The following RPTOR variants were observed in gnomAD, a reference collection of about 807,000 sequenced individuals.
The protein encoded by RPTOR is regulatory associated protein of MTOR complex 1, also known as regulatory-associated protein of mTOR.
Under a neutral mutation model 169.9 loss-of-function variants are expected in RPTOR, and 21 were observed. The observed-to-expected ratio is 0.12, with a 90% CI of 0.09 to 0.18. The LOEUF (loss-of-function observed/expected upper bound fraction) is 0.18, where lower values mean the gene tolerates loss of function less well. Among genes scored for constraint, RPTOR ranks in the 10% least tolerant of loss-of-function variants. The pLI, the probability that RPTOR is intolerant of heterozygous loss-of-function variation, is 1.00. For synonymous variants in RPTOR, 732 were observed against 753.2 expected (o/e 0.97, Z 0.46); for missense variants, 1,133 against 1,855.9 (o/e 0.61, Z 7.16).
intron 3 of RPTOR, among the ~76,000 whole-genome samples, chr17:80,664,968 A>G (rs2065752473): frequency 6.6e-6 from 1 of 152,216 alleles, no homozygotes; most frequent in South Asian, 2.1e-4. Context: ...CCTGAGCTGC[A>G]GAGACCTTTT....
intron 31 of RPTOR, 48 bp from the exon 32 acceptor site, chr17:80,962,413 C>T (rs960203158): frequency 1.3e-6 from 2 of 1,532,456 alleles, no homozygotes; most frequent in East Asian, 4.5e-5. Context: ...GGCCAGGCCC[C>T]TCATGGGGCC....
intron 10 of RPTOR, among the ~76,000 whole-genome samples, chr17:80,841,224 G>C (rs1281394445): frequency 2.1e-5 from 2 of 93,452 alleles, no homozygotes; most frequent in Non-Finnish European, 4.0e-5. Flanking sequence ...CCGCACGGCA[G>C]CTCACTCTCA....
chr17:80,897,180 C>T (rs923205398), intron 20 of RPTOR, among the ~76,000 whole-genome samples: 3 of 150,836 alleles, frequency 2.0e-5, no homozygotes, highest in East Asian at 3.9e-4. Context: ...ACCGGGGAGG[C>T]GGAGGTTGCA....
chr17:80,667,682 G>C (rs1316794020), intron 3 of RPTOR, among the ~76,000 whole-genome samples: 1 of 152,190 alleles, frequency 6.6e-6, no homozygotes, highest in African/African-American at 2.4e-5. Context: ...ACACACGGGA[G>C]AGAATGTTAG....
At chr17:80,616,298 CTTTTTTTTTT>C (rs201229448) in intron 1 of RPTOR, among the ~76,000 whole-genome samples, 12 of 113,284 alleles carry the variant, frequency 1.1e-4, no homozygotes, top group Non-Finnish European at 1.2e-4. Flanking sequence ...AATTGAAAAT[CTTTTTTTTTT>C]TTTTTTTTTT....
At chr17:80,932,070 C>A (rs147396423) in intron 24 of RPTOR, among the ~76,000 whole-genome samples, 4 of 152,022 alleles carry the variant, frequency 2.6e-5, no homozygotes, top group Non-Finnish European at 5.9e-5. Flanking sequence ...AAAACCCAAG[C>A]CCATTTCAGT....
chr17:80,927,973 A>G (rs1423310983), intron 24 of RPTOR, among the ~76,000 whole-genome samples: 1 of 152,092 alleles, frequency 6.6e-6, no homozygotes, highest in Non-Finnish European at 1.5e-5. Flanking sequence ...GGATCCATGT[A>G]GGAGCTGCCA....
At chr17:80,627,016 C>T (rs1056867566) in intron 2 of RPTOR, among the ~76,000 whole-genome samples, 3 of 152,130 alleles carry the variant, frequency 2.0e-5, no homozygotes, top group African/African-American at 7.2e-5. Flanking sequence ...ATTTGTCATT[C>T]TAGGGACCTC....
chr17:80,640,943 G>C (rs1391503655), intron 2 of RPTOR, among the ~76,000 whole-genome samples: 1 of 152,256 alleles, frequency 6.6e-6, no homozygotes, highest in Middle Eastern at 3.2e-3. Context: ...TTAAGTATGG[G>C]TGACTGAACT....
rs1037640711 is a variant in RPTOR, at chr17:80,545,606, A to T, written c.-24A>T. 74 of 1,571,710 alleles carry T rather than the reference A, an allele frequency of 4.7e-5. No homozygotes were observed. Among genetic ancestry groups the T allele is most frequent in the Non-Finnish European group, 6.1e-5 (71 of 1,157,936 alleles). ...GGTTCTCGAGCGCTTGCTGCCAAGG[A>T]CTCCCCCACCCCCTCCCCCACTGAT... On this transcript the variant is annotated 5_prime_UTR_variant, in exon 1 of 34. Transcript: ENST00000306801.
At position 80,746,274 on chromosome 17, in the gene RPTOR, CCGCCCCCACAGCGG is replaced by C. The variant is rs1350409088; in HGVS notation, c.655-7735_655-7722del. Among the ~76,000 whole-genome samples the C allele has an allele frequency of 1.3e-4, 18 of 134,458 alleles. No homozygotes were observed. Among genetic ancestry groups the C allele is most frequent in the East Asian group, 4.2e-4 (2 of 4,774 alleles). The allele number at this position is 134,458 out of a possible 152,430, so 88.2% of individuals were successfully genotyped here. A position where few individuals can be genotyped will look rare whatever the true frequency, so the allele number is the denominator to read the frequency against. On this transcript the variant is annotated intron_variant, in intron 5 of 33. Transcript: ENST00000306801. The surrounding 1 kb of genome is among the most constrained non-coding windows in gnomAD (Gnocchi z 4.5). ...CGGTGCTTTCTGCGGGTGATCCCCA[CCGCCCCCACAGCGG>C]TGCTTTCTGCGGGTGATCCCCACCG...
At position 80,904,281 on chromosome 17, in the gene RPTOR, CCAGGATGG is replaced by C. The variant is rs531399581; in HGVS notation, c.2402-4526_2402-4519del. On this transcript the variant is annotated intron_variant, in intron 20 of 33. Coordinates refer to ENST00000306801, the MANE Select transcript of RPTOR (RefSeq NM_020761.3). Reference sequence around the variant, plus strand: ...GCCCTCGGCCTGGGGCACTGGTTCCCCAGGATGGCAGAGGGTCTTGGCCATCACAGACT... The same window carrying C: ...GCCCTCGGCCTGGGGCACTGGTTCCCCAGAGGGTCTTGGCCATCACAGACT... Among the ~76,000 whole-genome samples, 308 of 152,336 alleles carry C rather than the reference CCAGGATGG, an allele frequency of 2.0e-3. 2 individuals carry two copies. Among genetic ancestry groups the C allele is most frequent in the African/African-American group, 7.2e-3 (298 of 41,580 alleles).
chr17:80,880,027 G>C (rs1173453147), intron 13 of RPTOR, among the ~76,000 whole-genome samples: 1 of 152,038 alleles, frequency 6.6e-6, no homozygotes, highest in African/African-American at 2.4e-5. Flanking sequence ...GCGGGACCGG[G>C]TCTGCACCAA....
At chr17:80,625,030 A>G (rs2065382381) in intron 1 of RPTOR, among the ~76,000 whole-genome samples, 1 of 152,184 alleles carries the variant, frequency 6.6e-6, no homozygotes, top group African/African-American at 2.4e-5. Context: ...AGATCTGAAG[A>G]GAGAGTCAGA....
chr17:80,790,912 G>A lies in RPTOR; in HGVS notation c.831-538G>A, dbSNP rs74001052. Among the ~76,000 whole-genome samples, 605 of 152,292 alleles carry A rather than the reference G, an allele frequency of 4.0e-3. 8 individuals carry two copies. Among genetic ancestry groups the A allele is most frequent in the African/African-American group, 0.014 (588 of 41,546 alleles). Reference sequence around the variant, plus strand: ...CTTTCCTACCTCCTGTTGGCGCCACGTTAGAGAAAGCCTGTCCGGCTCCAC... The same window carrying A: ...CTTTCCTACCTCCTGTTGGCGCCACATTAGAGAAAGCCTGTCCGGCTCCAC... On this transcript the variant is annotated intron_variant, in intron 6 of 33. Transcript: ENST00000306801.
At chr17:80,743,857 C>T (rs796791156) in intron 5 of RPTOR, among the ~76,000 whole-genome samples, 862 of 70,332 alleles carry the variant, frequency 0.012, 60 homozygotes, top group African/African-American at 0.041. Flanking sequence ...ACTAGCAGAG[C>T]CCTGGCTACT....
chr17:80,629,303 G>T (rs1354722422), intron 2 of RPTOR, among the ~76,000 whole-genome samples: 1 of 151,402 alleles, frequency 6.6e-6, no homozygotes, highest in Non-Finnish European at 1.5e-5. Context: ...TCTTCCGTGT[G>T]TCTCTCTCTC....
intron 3 of RPTOR, among the ~76,000 whole-genome samples, chr17:80,699,524 T>C: frequency 7.8e-6 from 1 of 128,882 alleles, no homozygotes; most frequent in South Asian, 2.8e-4. Context: ...GGTGCAGTGA[T>C]GGGGAGCTAG....
At chr17:80,668,961 GC>G (rs2065801440) in intron 3 of RPTOR, among the ~76,000 whole-genome samples, 2 of 151,358 alleles carry the variant, frequency 1.3e-5, no homozygotes, top group African/African-American at 4.8e-5. Flanking sequence ...AGTAGCTGTG[GC>G]AGTGCTGTGG....
Sources: allele counts gnomAD v4.1 joint callset (sites outside exome capture counted in the v4.1 genomes callset), GRCh38; gene constraint gnomAD v4.1.1; non-coding constraint Gnocchi (gnomAD v3.1); transcripts MANE v1.5; gene names NCBI Gene and HGNC (gene_info 2026-07-23, HGNC 2026-07-21).